KHDRBS3: variants seen among roughly 807,000 people sequenced by gnomAD.
The protein encoded by KHDRBS3 is KH RNA binding domain containing, signal transduction associated 3.
In KHDRBS3, 23 loss-of-function variants were observed where a neutral mutation model predicts 45.6. The ratio of observed to expected loss-of-function variants is 0.50; its 90% CI spans 0.36 to 0.72. The LOEUF is 0.72. Ranked by LOEUF, KHDRBS3 falls within the 30% of genes least tolerant of loss-of-function variation. KHDRBS3 has a pLI of 0.00. For missense variants in KHDRBS3, 352 were observed against 424.8 expected, an observed-to-expected ratio of 0.83 and a Z score of 1.51; for synonymous variants, 162 against 156.5, an observed-to-expected ratio of 1.04 and a Z score of -0.26.
At chr8:135,524,541 G>A (rs939266306) in intron 2 of KHDRBS3, among the ~76,000 whole-genome samples, 30 of 152,038 alleles carry the variant, frequency 2.0e-4, no homozygotes, top group Admixed American at 2.0e-4. Flanking sequence ...GACATCTTTC[G>A]TGAAAATTTG....
intron 1 of KHDRBS3, among the ~76,000 whole-genome samples, chr8:135,516,321 G>A (rs6991472): frequency 0.09 from 13,720 of 152,182 alleles, 689 homozygotes; most frequent in East Asian, 0.18. Context: ...GGTCATTACT[G>A]CACACTTTTA....
chr8:135,550,365 C>T (rs1826528358), intron 4 of KHDRBS3, among the ~76,000 whole-genome samples: 1 of 152,090 alleles, frequency 6.6e-6, no homozygotes. Flanking sequence ...AAAAATTTTT[C>T]AGTATTCTTT....
chr8:135,625,543 A>G (rs1307437070), intron 7 of KHDRBS3: 6 of 897,724 alleles, frequency 6.7e-6, no homozygotes, highest in Admixed American at 3.4e-5. Context: ...TCTTGGGTGT[A>G]TTCAGAGCTG....
chr8:135,532,818 T>G (rs950992075), intron 2 of KHDRBS3, among the ~76,000 whole-genome samples: 4 of 152,148 alleles, frequency 2.6e-5, no homozygotes, highest in African/African-American at 9.7e-5. Context: ...TACAGTACCC[T>G]TACATGATTC....
intron 5 of KHDRBS3, among the ~76,000 whole-genome samples, chr8:135,580,045 A>G (rs959041055): frequency 6.6e-6 from 1 of 152,150 alleles, no homozygotes; most frequent in Non-Finnish European, 1.5e-5. Flanking sequence ...CAAATCTGGC[A>G]CCTGTTAATG....
At chr8:135,592,868 T>C (rs1230018235) in intron 6 of KHDRBS3, among the ~76,000 whole-genome samples, 1 of 152,068 alleles carries the variant, frequency 6.6e-6, no homozygotes, top group Non-Finnish European at 1.5e-5. Context: ...GTTTGTTATG[T>C]AGATTCCTCT....
At chr8:135,592,020 CACCTTTTTATTTTAGATAAA>C (rs1237234285) in intron 6 of KHDRBS3, among the ~76,000 whole-genome samples, 1 of 152,128 alleles carries the variant, frequency 6.6e-6, no homozygotes, top group African/African-American at 2.4e-5. Flanking sequence ...AGCCTAGGGA[CACCTTTTTATTTTAGATAAA>C]AAGATGAAGG....
At chr8:135,609,451 T>C (rs1003442424) in intron 7 of KHDRBS3, among the ~76,000 whole-genome samples, 6 of 152,022 alleles carry the variant, frequency 3.9e-5, no homozygotes, top group Non-Finnish European at 7.4e-5. Context: ...TGTGCCACCA[T>C]GCTTGGCTGA....
intron 5 of KHDRBS3, 105 bp from the exon 6 acceptor site, chr8:135,581,773 C>G (rs1426134829): frequency 3.1e-6 from 3 of 970,910 alleles, no homozygotes; most frequent in Non-Finnish European, 4.4e-6. Flanking sequence ...TTCCTTTTTA[C>G]AAAAATATAG....
intron 5 of KHDRBS3, among the ~76,000 whole-genome samples, chr8:135,580,639 G>A (rs1329517945): frequency 1.5e-5 from 2 of 135,278 alleles, no homozygotes; most frequent in African/African-American, 5.6e-5. Context: ...TTCTGAGACA[G>A]AGTCACTCTG....
intron 6 of KHDRBS3, among the ~76,000 whole-genome samples, chr8:135,583,509 A>C (rs1828315785): frequency 6.6e-6 from 1 of 152,098 alleles, no homozygotes; most frequent in African/African-American, 2.4e-5. Context: ...GTTCATTTCC[A>C]CTTTGGCTTA....
At chr8:135,623,163 CTGTAAT>C (rs1830218328) in intron 7 of KHDRBS3, among the ~76,000 whole-genome samples, 1 of 152,164 alleles carries the variant, frequency 6.6e-6, no homozygotes, top group South Asian at 2.1e-4. Flanking sequence ...GTGACAGTAT[CTGTAAT>C]TGATAGTATT....
chr8:135,474,552 C>A (rs1485408700), intron 1 of KHDRBS3, among the ~76,000 whole-genome samples: 1 of 152,184 alleles, frequency 6.6e-6, no homozygotes, highest in East Asian at 1.9e-4. Context: ...TTAATAGTCT[C>A]TAAATTCTTT....
At chr8:135,500,242 G>C (rs1253232443) in intron 1 of KHDRBS3, among the ~76,000 whole-genome samples, 5 of 151,918 alleles carry the variant, frequency 3.3e-5, no homozygotes, top group Non-Finnish European at 7.4e-5. Flanking sequence ...CATAAGCCAG[G>C]ATTTGGTAGT....
intron 6 of KHDRBS3, among the ~76,000 whole-genome samples, chr8:135,592,352 G>A (rs968829910): frequency 1.3e-5 from 2 of 152,096 alleles, no homozygotes; most frequent in African/African-American, 4.8e-5. Context: ...AAAGCAAGTT[G>A]TGCTGTCATA....
chr8:135,530,082 G>A (rs554139663), intron 2 of KHDRBS3, among the ~76,000 whole-genome samples: 1 of 150,752 alleles, frequency 6.6e-6, no homozygotes, highest in Non-Finnish European at 1.5e-5. Flanking sequence ...AGAAATTAAA[G>A]TCTGTGATGA....
At chr8:135,639,408 T>A (rs548100532) in intron 7 of KHDRBS3, among the ~76,000 whole-genome samples, 1 of 152,262 alleles carries the variant, frequency 6.6e-6, no homozygotes, top group South Asian at 2.1e-4. Flanking sequence ...ATTTGAAGGA[T>A]CATCCTCCCA....
At chr8:135,471,897 G>T (rs1822035434) in intron 1 of KHDRBS3, among the ~76,000 whole-genome samples, 1 of 152,192 alleles carries the variant, frequency 6.6e-6, no homozygotes, top group African/African-American at 2.4e-5. Flanking sequence ...ATGTTTGGGT[G>T]GGAGTTCTTT....
chr8:135,646,472 C>T (rs773380666), intron 8 of KHDRBS3, among the ~76,000 whole-genome samples: 15 of 152,172 alleles, frequency 9.9e-5, no homozygotes, highest in Admixed American at 2.6e-4. Context: ...TCAGTCTTTC[C>T]GTGAAAGCGC....
Sources: allele counts gnomAD v4.1 joint callset (sites outside exome capture counted in the v4.1 genomes callset), GRCh38; gene constraint gnomAD v4.1.1; transcripts MANE v1.5; gene names NCBI Gene and HGNC (gene_info 2026-07-23, HGNC 2026-07-21).